Variants in RTTN observed in about 807,000 individuals in gnomAD.
The protein encoded by RTTN is rotatin.
In RTTN, 182 loss-of-function variants were observed where a neutral mutation model predicts 269.2. That is an observed-to-expected ratio of 0.68 (90% CI 0.60 to 0.76). RTTN has a LOEUF of 0.76. Ranked by LOEUF, RTTN falls within the 30% of genes least tolerant of loss-of-function variation. The pLI is 0.00. For missense variants in RTTN, 2,545 were observed against 2,608.6 expected (o/e 0.98, Z 0.53); for synonymous variants, 1,006 against 963.5 (o/e 1.04, Z -0.82).
At position 70,086,694 on chromosome 18, in the gene RTTN, TAAAAAAAAAAAAAAAAAAAAAAAAAAAAA is replaced by T; in HGVS notation, c.4303-39_4303-11del. 6.2e-6 allele frequency: 3 copies of T among 487,288 alleles called. No individual in the cohort carries two copies. The highest frequency in any genetic ancestry group is 4.3e-5 in the Admixed American group (1 of 23,176). The allele number at this position is 487,288 out of a possible 1,614,324, so 30.2% of individuals were successfully genotyped here. A position where few individuals can be genotyped will look rare whatever the true frequency, so the allele number is the denominator to read the frequency against. On this transcript the variant is annotated splice_polypyrimidine_tract_variant and intron_variant, in intron 31 of 48. Coordinates refer to ENST00000640769, the MANE Select transcript of RTTN (RefSeq NM_173630.4). Reference sequence around the variant, plus strand: ...GAAGAATAAATGCCGCCTGAAAATGTAAAAAAAAAAAAAAAAAAAAAAAAAAAAAAAAAAAAAAAGGTCAATACTGCCAT... The same window carrying T: ...GAAGAATAAATGCCGCCTGAAAATGTAAAAAAAAAAGGTCAATACTGCCAT...
intron 34 of RTTN, among the ~76,000 whole-genome samples, chr18:70,073,080 T>C (rs777962623): frequency 2.0e-5 from 3 of 152,160 alleles, no homozygotes; most frequent in Non-Finnish European, 4.4e-5. Flanking sequence ...TATTCTCATA[T>C]TATTTTTGTT....
At chr18:70,191,928 G>T (rs148343141) in intron 8 of RTTN, among the ~76,000 whole-genome samples, 6 of 152,116 alleles carry the variant, frequency 3.9e-5, no homozygotes, top group African/African-American at 1.2e-4. Flanking sequence ...AGGCAGAAAG[G>T]CTTCAGGAGA....
intron 27 of RTTN, among the ~76,000 whole-genome samples, chr18:70,111,070 T>C (rs1407232823): frequency 6.6e-6 from 1 of 152,206 alleles, no homozygotes; most frequent in Non-Finnish European, 1.5e-5. Flanking sequence ...CAGGGACTTA[T>C]AGATAAAACC....
chr18:70,178,544 A>C (rs2061354072), intron 10 of RTTN, among the ~76,000 whole-genome samples: 1 of 152,184 alleles, frequency 6.6e-6, no homozygotes. Flanking sequence ...TACATAAGCA[A>C]AACAAGGCAA....
intron 28 of RTTN, among the ~76,000 whole-genome samples, chr18:70,108,785 T>C (rs145592723): frequency 6.6e-4 from 100 of 151,802 alleles, no homozygotes; most frequent in African/African-American, 2.3e-3. Context: ...AAAAGCAATA[T>C]ACAATTATGA....
In RTTN at chr18:70,155,698, G is replaced by C. The variant is rs565878715; in HGVS notation, c.1930-4965C>G. On this transcript the variant is annotated intron_variant, in intron 14 of 48. Transcript: ENST00000640769. ...TCTGGCGCAGTAATGGCTGCAATGG[G>C]GCATGGCCATAGGTGCCTGTTGCGG... 1.3e-3 allele frequency among the ~76,000 whole-genome samples: 196 copies of C among 152,346 alleles called. 3 individuals are homozygous for C. The highest frequency in any genetic ancestry group is 4.1e-3 in the South Asian group (20 of 4,820).
chr18:70,006,230 G>T lies in RTTN; in HGVS notation c.6525+151C>A, dbSNP rs73970810. The T allele has an allele frequency of 2.6e-3, 1,429 of 559,344 alleles. 22 individuals carry two copies. Among genetic ancestry groups the T allele is most frequent in the African/African-American group, 0.023 (1,202 of 53,238 alleles). The allele number at this position is 559,344 out of a possible 1,614,324, so 34.6% of individuals were successfully genotyped here. A position where few individuals can be genotyped will look rare whatever the true frequency, so the allele number is the denominator to read the frequency against. On this transcript the variant is annotated intron_variant, in intron 47 of 48. Transcript: ENST00000640769. ...GATTTCAACTGATGGTTTACTAATT[G>T]TATGAATCAGCAAAGGGAACATGGA...
At chr18:70,047,842 T>G (rs2057535242) in intron 40 of RTTN, 129 bp downstream of exon 40, 1 of 728,552 alleles carries the variant, frequency 1.4e-6, no homozygotes, top group Admixed American at 2.8e-5. Context: ...TTGTATCATT[T>G]AAACAGTCAT....
chr18:70,170,797 A>C (rs2061120776), intron 11 of RTTN, among the ~76,000 whole-genome samples: 1 of 152,350 alleles, frequency 6.6e-6, no homozygotes, highest in Admixed American at 6.5e-5. Flanking sequence ...TAATCCAGGC[A>C]GGACAGAATG....
intron 15 of RTTN, 157 bp from the exon 16 acceptor site, chr18:70,150,244 TTC>T (rs2060502206): frequency 1.7e-6 from 1 of 605,458 alleles, no homozygotes; most frequent in South Asian, 2.1e-5. Context: ...TTACATTCTG[TTC>T]TGTTTTTCTT....
Position 70,060,095 on chromosome 18 carries a change from A to T in RTTN, c.4748-53T>A, listed in dbSNP as rs17082041. 6.2e-3 allele frequency: 8,484 copies of T among 1,370,798 alleles called. 476 individuals carry two copies. In the African/African-American group the frequency reaches 0.11, roughly 18 times the overall value. 84.9% of individuals were successfully genotyped at this position (1,370,798 alleles called of 1,614,324 possible). On this transcript the variant is annotated intron_variant, in intron 35 of 48. Coordinates refer to ENST00000640769, the MANE Select transcript of RTTN (RefSeq NM_173630.4). ...ATTATTTACCTTACAGCTATGTACA[A>T]TACTCAAAAGTTCTTATAATCATAG... is the stretch of plus-strand genomic sequence containing the variant.
At chr18:70,015,878 G>C (rs2056523597) in intron 46 of RTTN, among the ~76,000 whole-genome samples, 1 of 152,106 alleles carries the variant, frequency 6.6e-6, no homozygotes, top group Non-Finnish European at 1.5e-5. Context: ...AATAACAGAT[G>C]TTACTGAGTA....
intron 46 of RTTN, among the ~76,000 whole-genome samples, chr18:70,013,279 C>T (rs746768687): frequency 2.7e-5 from 4 of 149,776 alleles, no homozygotes; most frequent in Non-Finnish European, 4.4e-5. Context: ...TAAATGTTGT[C>T]TCAAACACTC....
intron 28 of RTTN, among the ~76,000 whole-genome samples, chr18:70,100,628 T>G (rs1177976758): frequency 1.3e-5 from 2 of 152,176 alleles, no homozygotes; most frequent in African/African-American, 4.8e-5. Flanking sequence ...ATAGGAGTGG[T>G]GAGAGAGGGC....
chr18:70,007,348 C>G lies in RTTN; in HGVS notation c.6422-864G>C, dbSNP rs987325485. The G allele has an allele frequency of 4.6e-5, 7 of 153,192 alleles. No individual in the cohort carries two copies. The East Asian group carries it at 1.2e-3, about 25-fold the overall frequency. The allele number at this position is 153,192 out of a possible 1,614,324, so 9.5% of individuals were successfully genotyped here. A position where few individuals can be genotyped will look rare whatever the true frequency, so the allele number is the denominator to read the frequency against. On this transcript the variant is annotated intron_variant, in intron 46 of 48. Transcript: ENST00000640769. ...GCTGGGCAGCCATTTGGGCAGTCAC[C>G]GAGCCAGCTGCAGGAGATTTTTCAT...
chr18:70,179,770 G>A (rs189874535), intron 10 of RTTN, among the ~76,000 whole-genome samples: 1 of 152,214 alleles, frequency 6.6e-6, no homozygotes, highest in East Asian at 1.9e-4. Context: ...ATTCTACAAG[G>A]CACCTGGAGT....
intron 10 of RTTN, among the ~76,000 whole-genome samples, chr18:70,180,936 T>C (rs1284843482): frequency 6.6e-6 from 1 of 152,218 alleles, no homozygotes; most frequent in Non-Finnish European, 1.5e-5. Context: ...GTGCCTAGCA[T>C]ATATTAATAA....
intron 35 of RTTN, among the ~76,000 whole-genome samples, chr18:70,064,520 C>T (rs2144948826): frequency 6.6e-6 from 1 of 152,130 alleles, no homozygotes; most frequent in Admixed American, 6.5e-5. Flanking sequence ...AAATGAAGTT[C>T]TGATACATGC....
intron 10 of RTTN, among the ~76,000 whole-genome samples, chr18:70,183,618 T>G (rs573714138): frequency 2.0e-5 from 3 of 152,154 alleles, no homozygotes; most frequent in Non-Finnish European, 4.4e-5. Context: ...TCTGACATCT[T>G]GAGCTAAAAC....
Sources: gnomAD v4.1 joint callset for allele counts (sites outside exome capture counted in the v4.1 genomes callset) on GRCh38, gnomAD v4.1.1 for gene constraint, MANE v1.5 for transcripts, NCBI Gene and HGNC (gene_info 2026-07-23, HGNC 2026-07-21) for gene names.